Variants in FNDC3A observed in about 807,000 individuals in gnomAD.
FNDC3A encodes the protein fibronectin type III domain containing 3A, also known as fibronectin type-III domain-containing protein 3A.
In FNDC3A, 32 loss-of-function variants were observed where a neutral mutation model predicts 148.9. The ratio of observed to expected loss-of-function variants is 0.21; its 90% CI spans 0.16 to 0.29. The LOEUF (loss-of-function observed/expected upper bound fraction) is 0.29, where lower values mean the gene tolerates loss of function less well. Ranked by LOEUF, FNDC3A falls within the 10% of genes least tolerant of loss-of-function variation. The pLI is 1.00. For missense variants in FNDC3A, 1,191 were observed against 1,452.8 expected (o/e 0.82, Z 2.93); for synonymous variants, 472 against 473.6 (o/e 1.00, Z 0.04).
At chr13:49,052,862 G>A (rs1319983117) in intron 2 of FNDC3A, among the ~76,000 whole-genome samples, 2 of 152,196 alleles carry the variant, frequency 1.3e-5, no homozygotes, top group Non-Finnish European at 2.9e-5. Flanking sequence ...AGGTATGTCC[G>A]AGCTTAGCCT....
intron 8 of FNDC3A, among the ~76,000 whole-genome samples, chr13:49,160,429 A>G (rs1392515699): frequency 1.3e-5 from 2 of 152,110 alleles, no homozygotes. Context: ...GTATTCTCTG[A>G]TGGTAGTTTG....
intron 23 of FNDC3A, among the ~76,000 whole-genome samples, chr13:49,198,789 G>C (rs959037143): frequency 6.6e-6 from 1 of 152,112 alleles, no homozygotes; most frequent in Non-Finnish European, 1.5e-5. Flanking sequence ...TTTTAATGAA[G>C]TAAGTTTTCA....
chr13:49,030,334 A>G (rs974934271), intron 2 of FNDC3A, among the ~76,000 whole-genome samples: 1 of 152,192 alleles, frequency 6.6e-6, no homozygotes, highest in Non-Finnish European at 1.5e-5. Context: ...CATGATAAAA[A>G]CACTCAGTAT....
At chr13:49,186,703 A>C (rs980955184) in intron 15 of FNDC3A, among the ~76,000 whole-genome samples, 1 of 152,196 alleles carries the variant, frequency 6.6e-6, no homozygotes, top group African/African-American at 2.4e-5. Flanking sequence ...CCCCGTCTCT[A>C]CTAAAACTAC....
chr13:49,020,434 G>A (rs1190518594), intron 2 of FNDC3A, among the ~76,000 whole-genome samples: 2 of 152,232 alleles, frequency 1.3e-5, no homozygotes, highest in Non-Finnish European at 2.9e-5. Flanking sequence ...AGTCAGAATA[G>A]GCAAGATTAT....
In FNDC3A at chr13:49,035,357, A is replaced by G. The variant is rs115721337; in HGVS notation, c.99+29068A>G. Among the ~76,000 whole-genome samples, 430 of 152,130 alleles carry G rather than the reference A, an allele frequency of 2.8e-3. 2 individuals carry two copies. Among genetic ancestry groups the G allele is most frequent in the African/African-American group, 9.8e-3 (409 of 41,560 alleles). ...ACATATATGCAGACATTGTCTATAA[A>G]TGTGTATATGTGGGATAATACCTCA... On this transcript the variant is annotated intron_variant, in intron 2 of 25. Transcript: ENST00000492622.
chr13:49,039,795 A>G (rs1004968339), intron 2 of FNDC3A, among the ~76,000 whole-genome samples: 4 of 152,092 alleles, frequency 2.6e-5, no homozygotes, highest in Non-Finnish European at 5.9e-5. Context: ...GCTCACTGCA[A>G]CCTTCGCCTC....
chr13:49,136,564 G>C lies in FNDC3A; in HGVS notation c.723G>C (p.Lys241Asn). The change falls in exon 6 of 26, where the codon AAG (lysine) becomes AAC (asparagine). Residue 241 changes from lysine (K) to asparagine (N), a missense_variant. By Grantham distance (94) the Lys-to-Asn change is moderately conservative (BLOSUM62 0). Coordinates refer to ENST00000492622, the MANE Select transcript of FNDC3A (RefSeq NM_001079673.2). ...GATCAGCAAAAATCAAGTCTGGGAA[G>C]GGGAAAGGTGGTACACAAGTTGATA... ...NTGSAKIKSG[K>N]GKGGTQVDTE... is the part of the protein sequence containing the mutation. The C allele has an allele frequency of 6.2e-7, 1 of 1,613,970 alleles. No homozygotes were observed.
intron 3 of FNDC3A, among the ~76,000 whole-genome samples, chr13:49,106,658 A>T (rs1880194427): frequency 1.3e-5 from 2 of 149,276 alleles, no homozygotes; most frequent in African/African-American, 2.5e-5. Flanking sequence ...ATACTTCGTG[A>T]TTTACTTGAA....
chr13:49,121,205 A>G (rs1057269786), intron 4 of FNDC3A, among the ~76,000 whole-genome samples: 2 of 152,152 alleles, frequency 1.3e-5, no homozygotes, highest in African/African-American at 4.8e-5. Context: ...TCAAAACCAC[A>G]CAACTACATG....
At chr13:49,005,422 A>G (rs939452706) in intron 1 of FNDC3A, among the ~76,000 whole-genome samples, 9 of 151,956 alleles carry the variant, frequency 5.9e-5, no homozygotes, top group Non-Finnish European at 1.3e-4. Context: ...ATGATAGACT[A>G]ATATTGCTTA....
At chr13:49,098,842 A>G (rs1879689210) in intron 3 of FNDC3A, among the ~76,000 whole-genome samples, 1 of 152,156 alleles carries the variant, frequency 6.6e-6, no homozygotes, top group Non-Finnish European at 1.5e-5. Flanking sequence ...TAAAAAGAAT[A>G]ATAAATTTCC....
chr13:49,063,927 G>C (rs779055078), intron 2 of FNDC3A, among the ~76,000 whole-genome samples: 1 of 149,328 alleles, frequency 6.7e-6, no homozygotes, highest in Non-Finnish European at 1.5e-5. Context: ...TGAAAAAAGA[G>C]AAAGTATCTG....
At chr13:49,014,602 A>G (rs981969912) in intron 2 of FNDC3A, among the ~76,000 whole-genome samples, 2 of 151,510 alleles carry the variant, frequency 1.3e-5, no homozygotes, top group African/African-American at 4.8e-5. Context: ...CTTTAGTTTC[A>G]TTAGATCCCA....
chr13:48,998,395 G>A (rs748973238), intron 1 of FNDC3A, among the ~76,000 whole-genome samples: 4 of 152,164 alleles, frequency 2.6e-5, no homozygotes, highest in Non-Finnish European at 4.4e-5. Flanking sequence ...GTGATGGGTT[G>A]CAGTTAAAAC....
Position 49,036,192 on chromosome 13 carries a change from T to C in FNDC3A, c.99+29903T>C, listed in dbSNP as rs1874478801. 2.0e-5 allele frequency among the ~76,000 whole-genome samples: 3 copies of C among 152,180 alleles called. No individual in the cohort carries two copies. In the South Asian group the frequency reaches 6.2e-4, roughly 32 times the overall value. ...TAGTGAAATGGAGGTACCTGCAGTT[T>C]ATCAAGGTGAATAAATCCAGAAAGT... On this transcript the variant is annotated intron_variant, in intron 2 of 25. Transcript: ENST00000492622.
chr13:49,150,943 CAAAAAAAA>C (rs35888648), intron 8 of FNDC3A, among the ~76,000 whole-genome samples: 1 of 107,146 alleles, frequency 9.3e-6, no homozygotes, highest in African/African-American at 3.5e-5. Flanking sequence ...GACTCCGTCT[CAAAAAAAA>C]AAAAAAAAAA....
chr13:49,165,016 G>T, intron 8 of FNDC3A, among the ~76,000 whole-genome samples: 1 of 151,832 alleles, frequency 6.6e-6, no homozygotes, highest in Non-Finnish European at 1.5e-5. Context: ...ATTTCTGTTT[G>T]GTTCTTTCTT....
At position 49,206,066 on chromosome 13, in the gene FNDC3A, A is replaced by G. The variant is rs115903754; in HGVS notation, c.3283-1015A>G. ...CTCAACTGACAAGTCATTTAACCCT[A>G]TGAACCTTGGTTTTCTCAATTACAG... On this transcript the variant is annotated intron_variant, in intron 25 of 25. Coordinates refer to ENST00000492622, the MANE Select transcript of FNDC3A (RefSeq NM_001079673.2). Among the ~76,000 whole-genome samples the G allele has an allele frequency of 4.3e-3, 655 of 152,322 alleles. 8 individuals carry two copies. The highest frequency in any genetic ancestry group is 0.015 in the African/African-American group (621 of 41,562).
Sources: allele counts gnomAD v4.1 joint callset (sites outside exome capture counted in the v4.1 genomes callset), GRCh38; gene constraint gnomAD v4.1.1; transcripts MANE v1.5; gene names NCBI Gene and HGNC (gene_info 2026-07-23, HGNC 2026-07-21).